LRCH3: variants seen among roughly 807,000 people sequenced by gnomAD.
LRCH3 encodes DISP complex protein LRCH3.
In LRCH3, 68 loss-of-function variants were observed where a neutral mutation model predicts 104.5. The ratio of observed to expected loss-of-function variants is 0.65; its 90% CI spans 0.54 to 0.80. The LOEUF (loss-of-function observed/expected upper bound fraction) is 0.80, where lower values mean the gene tolerates loss of function less well. Among genes scored for constraint, LRCH3 ranks in the 30% least tolerant of loss-of-function variants. The pLI is 0.00. For missense variants in LRCH3, 951 were observed against 953.9 expected, an observed-to-expected ratio of 1.00 and a Z score of 0.04; for synonymous variants, 344 against 361.3, an observed-to-expected ratio of 0.95 and a Z score of 0.54.
chr3:197,814,612 C>A (rs1733602315), intron 1 of LRCH3, among the ~76,000 whole-genome samples: 1 of 152,170 alleles, frequency 6.6e-6, no homozygotes. Context: ...GTCTTTGTGA[C>A]CTGACCTTGA....
At chr3:197,809,985 G>A (rs1180315728) in intron 1 of LRCH3, among the ~76,000 whole-genome samples, 2 of 152,060 alleles carry the variant, frequency 1.3e-5, no homozygotes, top group Non-Finnish European at 2.9e-5. Flanking sequence ...AGTCTGGCAA[G>A]GATGGAAATT....
intron 20 of LRCH3, among the ~76,000 whole-genome samples, chr3:197,879,500 G>A (rs911613289): frequency 6.6e-6 from 1 of 151,232 alleles, no homozygotes; most frequent in Admixed American, 6.6e-5. Flanking sequence ...CAAAAAATTA[G>A]CCGGGCGTGG....
chr3:197,870,093 G>A, intron 17 of LRCH3, 67 bp from the exon 18 acceptor site: 2 of 1,539,468 alleles, frequency 1.3e-6, no homozygotes, highest in Non-Finnish European at 1.8e-6. Flanking sequence ...ACTGTGATGA[G>A]GCAGAGCCGG....
intron 3 of LRCH3, 47 bp downstream of exon 3, chr3:197,817,349 T>TGC (rs1553916547): frequency 6.3e-6 from 1 of 159,784 alleles, no homozygotes; most frequent in South Asian, 2.2e-4. Flanking sequence ...TGTGTGTCTG[T>TGC]GTGTGTGTGT....
intron 8 of LRCH3, among the ~76,000 whole-genome samples, chr3:197,833,848 T>C (rs1383475100): frequency 6.6e-6 from 1 of 152,222 alleles, no homozygotes; most frequent in Non-Finnish European, 1.5e-5. Context: ...AGTTACTTTC[T>C]TCAGAAATCG....
At chr3:197,814,649 G>GT (rs1054159391) in intron 1 of LRCH3, among the ~76,000 whole-genome samples, 2 of 152,158 alleles carry the variant, frequency 1.3e-5, no homozygotes, top group Non-Finnish European at 2.9e-5. Context: ...AAGGGACAGT[G>GT]TTTTTTGTTT....
rs558260482 is a variant in LRCH3 at position 197,875,471 on chromosome 3, C to A, written c.2131-227C>A. Among the ~76,000 whole-genome samples, 5 of 152,244 alleles carry A rather than the reference C, an allele frequency of 3.3e-5. No individual in the cohort carries two copies. In the South Asian group the frequency reaches 1.0e-3, roughly 32 times the overall value. On this transcript the variant is annotated intron_variant, in intron 19 of 20. Transcript: ENST00000425562. ...TTGAACTCAGGAATTCAAGACCAGCCTGGGCAACGTGGCGAACCCTGTCTC... is the reference window on the plus strand; with the variant it reads ...TTGAACTCAGGAATTCAAGACCAGCATGGGCAACGTGGCGAACCCTGTCTC...
At chr3:197,804,204 A>G (rs1016652485) in intron 1 of LRCH3, among the ~76,000 whole-genome samples, 1 of 152,148 alleles carries the variant, frequency 6.6e-6, no homozygotes, top group Non-Finnish European at 1.5e-5. Flanking sequence ...TGGAGGTTGC[A>G]ATGAGCCAAG....
intron 20 of LRCH3, among the ~76,000 whole-genome samples, chr3:197,880,147 G>T (rs1007633061): frequency 3.3e-5 from 5 of 151,156 alleles, no homozygotes; most frequent in African/African-American, 9.8e-5. Context: ...GGGTTTCACC[G>T]TGTTAGCCGG....
intron 15 of LRCH3, among the ~76,000 whole-genome samples, chr3:197,864,274 C>G (rs556829197): frequency 3.3e-5 from 5 of 151,156 alleles, no homozygotes; most frequent in South Asian, 2.1e-4. Flanking sequence ...CTATTGCACT[C>G]TAGCCTGGGC....
chr3:197,887,644 G>A lies in LRCH3; in HGVS notation c.*3978G>A, dbSNP rs1299202322. 2.4e-4 allele frequency: 29 copies of A among 123,216 alleles called. No individual in the cohort carries two copies. Among genetic ancestry groups the A allele is most frequent in the African/African-American group, 1.0e-3 (29 of 28,626 alleles). The allele number at this position is 123,216 out of a possible 1,614,324, so 7.6% of individuals were successfully genotyped here. On this transcript the variant is annotated 3_prime_UTR_variant, in exon 21 of 21. Transcript: ENST00000425562. The stretch of plus-strand genomic sequence containing the variant: ...TCACTGACAGTGTCTGGGGCTGAGA[G>A]CCCCCCCTAGCAGAGCCCTTCCCAT...
At chr3:197,863,374 G>A (rs1402459158) in intron 15 of LRCH3, among the ~76,000 whole-genome samples, 1 of 152,118 alleles carries the variant, frequency 6.6e-6, no homozygotes, top group Non-Finnish European at 1.5e-5. Flanking sequence ...CGATTCTCCT[G>A]CCTCAGCCTC....
chr3:197,858,146 A>C (rs1027252254), intron 14 of LRCH3, among the ~76,000 whole-genome samples: 4 of 152,260 alleles, frequency 2.6e-5, no homozygotes, highest in African/African-American at 7.2e-5. Flanking sequence ...AAATGAGAAA[A>C]ATTGTCATGT....
intron 10 of LRCH3, among the ~76,000 whole-genome samples, chr3:197,844,503 G>A (rs891841968): frequency 7.9e-5 from 12 of 151,756 alleles, no homozygotes; most frequent in African/African-American, 2.7e-4. Flanking sequence ...AGATCCTCCC[G>A]CCTTGGCCTC....
At chr3:197,847,836 T>A (rs1738980735) in intron 11 of LRCH3, 36 bp from the exon 12 acceptor site, 1 of 1,604,840 alleles carries the variant, frequency 6.2e-7, no homozygotes, top group Non-Finnish European at 8.5e-7. Flanking sequence ...GATCCTCATT[T>A]TTACTTTTGT....
chr3:197,859,836 C>T (rs1011886456), intron 15 of LRCH3, among the ~76,000 whole-genome samples: 1 of 151,968 alleles, frequency 6.6e-6, no homozygotes, highest in African/African-American at 2.4e-5. Flanking sequence ...AATTACGATG[C>T]CATCCTTAGC....
rs57062885 is a variant in LRCH3 at position 197,813,510 on chromosome 3, A to ATTTTTTT, written c.263-1366_263-1360dup. On this transcript the variant is annotated intron_variant, in intron 1 of 20. Coordinates refer to ENST00000425562, the MANE Select transcript of LRCH3 (RefSeq NM_001365715.1). ...CCGTTCTTCTAATGGGAGGCATATAATTTTTTTTTTTTTTTTTTTTTTTTT... is the reference window on the plus strand; with the variant it reads ...CCGTTCTTCTAATGGGAGGCATATAATTTTTTTTTTTTTTTTTTTTTTTTTTTTTTTT... Among the ~76,000 whole-genome samples, 32 of 66,062 alleles carry ATTTTTTT rather than the reference A, an allele frequency of 4.8e-4. 1 individual carries two copies. The highest frequency in any genetic ancestry group is 8.2e-3 in the Middle Eastern group (1 of 122). The allele number at this position is 66,062 out of a possible 152,430, so 43.3% of individuals were successfully genotyped here. A position where few individuals can be genotyped will look rare whatever the true frequency, so the allele number is the denominator to read the frequency against.
chr3:197,879,587 A>C (rs1349520479), intron 20 of LRCH3, among the ~76,000 whole-genome samples: 1 of 152,132 alleles, frequency 6.6e-6, no homozygotes. Flanking sequence ...CGGAGCTTGC[A>C]GTGAGCCGAG....
intron 15 of LRCH3, among the ~76,000 whole-genome samples, chr3:197,863,123 T>A (rs936140135): frequency 3.3e-5 from 5 of 152,118 alleles, no homozygotes; most frequent in Non-Finnish European, 5.9e-5. Flanking sequence ...CAGATTTGTA[T>A]GTTTGTGTTA....
Sources: allele counts gnomAD v4.1 joint callset (sites outside exome capture counted in the v4.1 genomes callset), GRCh38; gene constraint gnomAD v4.1.1; transcripts MANE v1.5; gene names NCBI Gene and HGNC (gene_info 2026-07-23, HGNC 2026-07-21).